DRC4: variants seen among roughly 807,000 people sequenced by gnomAD.
DRC4 encodes the protein GAS-11.
chr16:90,042,496 C>T, the DRC4 span: 4 of 1,613,916 alleles, frequency 2.5e-6, no homozygotes, highest in East Asian at 2.2e-5. Flanking sequence ...AGAACAGCAC[C>T]ATCAAGGACC....
chr16:90,035,468 G>A, the DRC4 span, among the ~76,000 whole-genome samples: 16 of 152,174 alleles, frequency 1.1e-4, no homozygotes, highest in South Asian at 8.3e-4. Flanking sequence ...CAGTGCTCAC[G>A]ACGTCTGTTC....
the DRC4 span, chr16:90,043,574 T>C: frequency 5.0e-6 from 3 of 595,844 alleles, no homozygotes; most frequent in Non-Finnish European, 9.2e-6. Flanking sequence ...ACGTCCAGCC[T>C]GTGTCCAGGC....
At chr16:90,027,022 T>A in the DRC4 span, among the ~76,000 whole-genome samples, 1 of 151,736 alleles carries the variant, frequency 6.6e-6, no homozygotes, top group African/African-American at 2.4e-5. Context: ...AAGCGATTCT[T>A]CTGCCTCAGC....
At chr16:90,031,150 C>T in the DRC4 span, 6 of 1,505,666 alleles carry the variant, frequency 4.0e-6, no homozygotes, top group South Asian at 3.7e-5. Context: ...GCTTCCTAGC[C>T]TTATATTTTA....
the DRC4 span, among the ~76,000 whole-genome samples, chr16:90,023,402 T>G: frequency 4.2e-3 from 633 of 152,284 alleles, 4 homozygotes; most frequent in African/African-American, 0.015. Context: ...GCTCTCCCTT[T>G]GTGGTACAGG....
the DRC4 span, chr16:90,027,975 A>T: frequency 2.1e-6 from 1 of 485,236 alleles, no homozygotes; most frequent in Non-Finnish European, 3.7e-6. Context: ...TGCTTTTCTG[A>T]TCTAAAAGCT....
the DRC4 span, among the ~76,000 whole-genome samples, chr16:90,034,451 G>A: frequency 9.2e-5 from 14 of 152,114 alleles, no homozygotes; most frequent in Middle Eastern, 3.4e-3. Flanking sequence ...GTGAAACCCC[G>A]TCTCTACTAA....
the DRC4 span, chr16:90,031,617 G>T: frequency 3.6e-6 from 4 of 1,123,502 alleles, no homozygotes; most frequent in Non-Finnish European, 3.7e-6. Context: ...CAGCCTTAAA[G>T]GTGTTTTTTA....
At chr16:90,020,082 C>G in the DRC4 span, 1 of 653,302 alleles carries the variant, frequency 1.5e-6, no homozygotes, top group East Asian at 2.8e-5. Flanking sequence ...GCCACTGCTT[C>G]TCTGTCCTCA....
chr16:90,029,070 G>C, the DRC4 span: 2 of 1,305,950 alleles, frequency 1.5e-6, no homozygotes, highest in African/African-American at 3.0e-5. Context: ...CATGTGAGCT[G>C]CTGCCCGTCT....
At chr16:90,028,099 C>T in the DRC4 span, 1 of 156,904 alleles carries the variant, frequency 6.4e-6, no homozygotes, top group African/African-American at 2.5e-5. Flanking sequence ...CACCATTAAA[C>T]ATTATGTCAA....
chr16:90,037,610 G>C, the DRC4 span: 1 of 951,260 alleles, frequency 1.1e-6, no homozygotes, highest in East Asian at 2.4e-5. Context: ...ACGTGCTACC[G>C]GCCGGCCTTG....
At chr16:90,028,740 GGACGACT>G in the DRC4 span, among the ~76,000 whole-genome samples, 19 of 152,180 alleles carry the variant, frequency 1.2e-4, no homozygotes, top group Non-Finnish European at 2.4e-4. Flanking sequence ...CTGCCCTCAT[GGACGACT>G]GCCTGTGAGC....
the DRC4 span, chr16:90,037,992 C>T: frequency 1.4e-6 from 1 of 719,546 alleles, no homozygotes; most frequent in East Asian, 2.7e-5. Flanking sequence ...CTCCTTGTGG[C>T]CCCTGGACCA....
chr16:90,020,117 A>AT, the DRC4 span: 1 of 600,086 alleles, frequency 1.7e-6, no homozygotes, highest in Non-Finnish European at 3.0e-6. Flanking sequence ...CTGCTGGGTC[A>AT]TTTTGAAGCA....
the DRC4 span, among the ~76,000 whole-genome samples, chr16:90,033,916 G>A: frequency 2.0e-5 from 3 of 150,346 alleles, no homozygotes; most frequent in Non-Finnish European, 4.4e-5. Flanking sequence ...ATGGGCCAGT[G>A]GGAAAGCTCA....
chr16:90,023,842 A>G, the DRC4 span, among the ~76,000 whole-genome samples: 10 of 150,374 alleles, frequency 6.7e-5, no homozygotes, highest in Non-Finnish European at 1.3e-4. Context: ...ACATACAAAA[A>G]TTAGCTGGGT....
At chr16:90,036,348 T>G in the DRC4 span, 1 of 1,562,692 alleles carries the variant, frequency 6.4e-7, no homozygotes, top group Non-Finnish European at 8.7e-7. Context: ...CACGTCTTCC[T>G]CTGCTAAGCT....
At chr16:90,042,640 G>A in the DRC4 span, 30 of 891,682 alleles carry the variant, frequency 3.4e-5, no homozygotes, top group African/African-American at 2.1e-4. Flanking sequence ...TTCGTACCTC[G>A]TTTGACAAGG....
Sources: gnomAD v4.1 joint callset for allele counts (sites outside exome capture counted in the v4.1 genomes callset) on GRCh38, gnomAD v4.1.1 for gene constraint, MANE v1.5 for transcripts, NCBI Gene and HGNC (gene_info 2026-07-23, HGNC 2026-07-21) for gene names.